RSPH14: variants seen among roughly 807,000 people sequenced by gnomAD.
RSPH14 encodes rhabdoid tumor deletion region gene 1.
A neutral mutation model predicts 26.7 loss-of-function variants in RSPH14; 20 were observed. The observed-to-expected ratio is 0.75, with a 90% confidence interval of 0.53 to 1.09. The LOEUF is 1.09. Among genes scored for constraint, RSPH14 ranks in the 50% least tolerant of loss-of-function variants. The pLI is 0.00. For synonymous variants in RSPH14, 177 were observed against 189.3 expected (o/e 0.93, Z 0.53); for missense variants, 449 against 457.2 (o/e 0.98, Z 0.16).
At position 23,093,208 on chromosome 22, in the gene RSPH14, C is replaced by T. The variant is rs77716798; in HGVS notation, c.422-29075G>A. On this transcript the variant is annotated intron_variant, in intron 4 of 6. Coordinates refer to ENST00000216036, the MANE Select transcript of RSPH14 (RefSeq NM_014433.3). The stretch of plus-strand genomic sequence containing the variant: ...TCCATTCTCAGATGTAATTTTCAGC[C>T]TCACTGGGATTGGGCTGAGTGACTG... 1.5e-3 allele frequency among the ~76,000 whole-genome samples: 224 copies of T among 152,362 alleles called. 1 individual carries two copies. Among genetic ancestry groups the T allele is most frequent in the African/African-American group, 5.1e-3 (214 of 41,584 alleles).
the RSPH14 span, among the ~76,000 whole-genome samples, chr22:23,177,675 G>A: frequency 1.1e-3 from 169 of 152,308 alleles, 7 homozygotes; most frequent in South Asian, 0.034. Context: ...GGAGAGAACA[G>A]TGTCCTTGGG....
rs548572317 is a variant in RSPH14, at chr22:23,084,590, G to A, written c.422-20457C>T. 1.4e-4 allele frequency among the ~76,000 whole-genome samples: 22 copies of A among 152,340 alleles called. No homozygotes were observed. The East Asian group carries it at 4.2e-3, about 29-fold the overall frequency. On this transcript the variant is annotated intron_variant, in intron 4 of 6. Coordinates refer to ENST00000216036, the MANE Select transcript of RSPH14 (RefSeq NM_014433.3). Reference sequence around the variant, plus strand: ...GGCCAGGATGAAGCAGCATGGGGAAGCCTTGAGCACTGGATGTGAACATAT... The same window carrying A: ...GGCCAGGATGAAGCAGCATGGGGAAACCTTGAGCACTGGATGTGAACATAT...
intron 4 of RSPH14, chr22:23,122,667 C>T (rs542476346): frequency 3.1e-5 from 6 of 195,756 alleles, no homozygotes; most frequent in Non-Finnish European, 6.4e-5. Flanking sequence ...TATGATGTGA[C>T]GGGGGCTCCT....
upstream of RSPH14, chr22:23,145,352 A>T (rs746315546): frequency 6.3e-7 from 1 of 1,586,760 alleles, no homozygotes; most frequent in East Asian, 2.3e-5. Flanking sequence ...GACTCCAGGC[A>T]GGTTCTCGTT....
At position 23,105,849 on chromosome 22, in the gene RSPH14, C is replaced by G. The variant is rs571793959; in HGVS notation, c.421+28177G>C. 2.6e-5 allele frequency among the ~76,000 whole-genome samples: 4 copies of G among 152,324 alleles called. No individual in the cohort carries two copies. The South Asian group carries it at 8.3e-4, about 32-fold the overall frequency. Reference sequence around the variant, plus strand: ...AATAGGAGACAGTTCTCAGCTGAAACAGAAGTGGACTGGGGCTTTGGAAGA... The same window carrying G: ...AATAGGAGACAGTTCTCAGCTGAAAGAGAAGTGGACTGGGGCTTTGGAAGA... On this transcript the variant is annotated intron_variant, in intron 4 of 6. Transcript: ENST00000216036.
intron 4 of RSPH14, among the ~76,000 whole-genome samples, chr22:23,083,804 A>T (rs532879127): frequency 6.6e-6 from 1 of 152,326 alleles, no homozygotes; most frequent in South Asian, 2.1e-4. Context: ...CCAGCGGCAC[A>T]CCACACCTGT....
intron 4 of RSPH14, among the ~76,000 whole-genome samples, chr22:23,119,237 C>T (rs1212898153): frequency 2.0e-5 from 3 of 152,344 alleles, no homozygotes; most frequent in East Asian, 1.9e-4. Flanking sequence ...AGGCAAGCAC[C>T]AGGGCCCAGG....
intron 4 of RSPH14, among the ~76,000 whole-genome samples, chr22:23,120,194 G>A (rs2069975052): frequency 6.6e-6 from 1 of 152,190 alleles, no homozygotes; most frequent in Non-Finnish European, 1.5e-5. Flanking sequence ...GAGGTGTCCA[G>A]GGTCCCCAAG....
chr22:23,061,896 T>C lies in RSPH14; in HGVS notation c.703A>G (p.Ile235Val), dbSNP rs1191594012. The change falls in exon 6 of 7, where the codon ATC becomes GTC. Residue 235 changes from isoleucine (I) to valine (V), a missense_variant. By Grantham distance (29) the Ile-to-Val change is conservative. Coordinates refer to ENST00000216036, the MANE Select transcript of RSPH14 (RefSeq NM_014433.3). Reference protein sequence around the residue: ...KQVCHFDVIPILVHLLKDPVE... With the variant: ...KQVCHFDVIPVLVHLLKDPVE... ...GGGTCTTTCAGCAGATGGACCAGGA[T>C]GGGGATGACGTCAAAATGACACACC... is the stretch of plus-strand genomic sequence containing the variant. 3 of 1,613,946 alleles carry C rather than the reference T, an allele frequency of 1.9e-6. No individual in the cohort carries two copies. In the East Asian group the frequency reaches 6.7e-5, roughly 36 times the overall value.
intron 4 of RSPH14, among the ~76,000 whole-genome samples, chr22:23,113,376 C>T (rs1040595161): frequency 3.9e-5 from 6 of 152,212 alleles, no homozygotes; most frequent in Non-Finnish European, 7.3e-5. Context: ...CACACTGGCT[C>T]CCAGCTGCTG....
intron 4 of RSPH14, among the ~76,000 whole-genome samples, chr22:23,118,666 T>G (rs1445581623): frequency 6.6e-6 from 1 of 152,220 alleles, no homozygotes; most frequent in Non-Finnish European, 1.5e-5. Context: ...GGGTCATGGT[T>G]GGCAGAGGCA....
the RSPH14 span, among the ~76,000 whole-genome samples, chr22:23,157,312 G>A: frequency 3.3e-5 from 5 of 151,528 alleles, 1 homozygote; most frequent in Admixed American, 1.3e-4. Flanking sequence ...GTGCAGTGGC[G>A]CAATCTCGGC....
At chr22:23,142,075 C>T (rs1211697230), upstream of RSPH14, 10 of 982,162 alleles carry the variant, frequency 1.0e-5, no homozygotes, top group Non-Finnish European at 1.2e-5. Context: ...TAATCAGCAC[C>T]CACTGCGCAG....
the RSPH14 span, among the ~76,000 whole-genome samples, chr22:23,166,203 A>G: frequency 1.7e-4 from 25 of 147,216 alleles, no homozygotes; most frequent in African/African-American, 5.7e-4. Flanking sequence ...ACAAGCCCCA[A>G]TGTGTAAGTG....
intron 4 of RSPH14, chr22:23,124,190 A>AT (rs67228409): frequency 0.036 from 5,042 of 141,288 alleles, 263 homozygotes; most frequent in African/African-American, 0.22. Flanking sequence ...CTTCTCTGAC[A>AT]TTTTTTTTTT....
chr22:23,119,982 A>G (rs2069964955), intron 4 of RSPH14, among the ~76,000 whole-genome samples: 1 of 152,200 alleles, frequency 6.6e-6, no homozygotes, highest in Non-Finnish European at 1.5e-5. Context: ...CCTGCAAAGC[A>G]AGGGGAGTCC....
chr22:23,161,123 C>A, the RSPH14 span: 1 of 1,241,310 alleles, frequency 8.1e-7, no homozygotes, highest in Non-Finnish European at 1.1e-6. Context: ...GTCCTTTGAC[C>A]CTCCTCTCAG....
At chr22:23,150,098 G>T in the RSPH14 span, 1 of 1,612,392 alleles carries the variant, frequency 6.2e-7, no homozygotes, top group Non-Finnish European at 8.5e-7. Flanking sequence ...AGCTCAGGGA[G>T]CACTTCCACG....
upstream of RSPH14, among the ~76,000 whole-genome samples, chr22:23,143,002 C>T (rs1305524240): frequency 6.6e-6 from 1 of 152,218 alleles, no homozygotes; most frequent in Non-Finnish European, 1.5e-5. Context: ...CAGGATGCAA[C>T]TTGGTGAACA....
Sources: allele counts gnomAD v4.1 joint callset (sites outside exome capture counted in the v4.1 genomes callset), GRCh38; gene constraint gnomAD v4.1.1; transcripts MANE v1.5; gene names NCBI Gene and HGNC (gene_info 2026-07-23, HGNC 2026-07-21).